RIC8B: variants seen among roughly 807,000 people sequenced by gnomAD.
RIC8B encodes chaperone Ric-8B.
Under a neutral mutation model 57.5 loss-of-function variants are expected in RIC8B, and 16 were observed. That is an observed-to-expected ratio of 0.28 (90% CI 0.19 to 0.42). The LOEUF (loss-of-function observed/expected upper bound fraction) is 0.42, where lower values mean the gene tolerates loss of function less well. Among genes scored for constraint, RIC8B ranks in the 10% least tolerant of loss-of-function variants. The probability of loss-of-function intolerance (pLI) is 1.00; values close to 1 mark genes in which losing one functional copy is unlikely to be tolerated. For missense variants in RIC8B, 481 were observed against 677.0 expected (o/e 0.71, Z 3.21); for synonymous variants, 216 against 250.8 (o/e 0.86, Z 1.31).
rs1244158068 is a variant in RIC8B at position 106,874,579 on chromosome 12, C to T, written c.1571+3637C>T. On this transcript the variant is annotated intron_variant, in intron 9 of 9. Coordinates refer to ENST00000392837, the MANE Select transcript of RIC8B (RefSeq NM_001330145.2). ...TGATGATGACTAAGGTTGGTCATGC[C>T]AAGTACTGTTACTGAGCCTGGTGTA... The T allele has an allele frequency of 2.6e-6, 4 of 1,542,054 alleles. No individual in the cohort carries two copies. In the Admixed American group the frequency reaches 5.9e-5, roughly 23 times the overall value.
intron 1 of RIC8B, 108 bp from the exon 2 acceptor site, chr12:106,783,889 G>T: frequency 1.1e-6 from 1 of 926,962 alleles, no homozygotes; most frequent in Non-Finnish European, 1.7e-6. Flanking sequence ...TGAGATACGG[G>T]AAGGCAACAT....
chr12:106,831,389 A>C (rs1444152581), intron 4 of RIC8B, among the ~76,000 whole-genome samples: 2 of 152,218 alleles, frequency 1.3e-5, no homozygotes, highest in Non-Finnish European at 1.5e-5. Context: ...ATGCAGTCTT[A>C]TGTAGAAAAT....
intron 4 of RIC8B, among the ~76,000 whole-genome samples, chr12:106,830,118 T>A (rs1819042916): frequency 6.6e-6 from 1 of 152,224 alleles, no homozygotes; most frequent in African/African-American, 2.4e-5. Context: ...GTGTGAGTTC[T>A]CCAGCTTTGT....
rs372260706 is a variant in RIC8B, at chr12:106,885,907, G to A, written c.1575G>A (p.Glu525=). Reference sequence around the variant, plus strand: ...TCTCTTTTATCTCTTTTTCTAGAGAGGAGTTGCTTAAACCAATGGGACTAA... The same window carrying A: ...TCTCTTTTATCTCTTTTTCTAGAGAAGAGTTGCTTAAACCAATGGGACTAA... The part of the protein sequence containing the change: ...LVNMLDKLSR[E]ELLKPMGLKP... The change falls in exon 10 of 10, where the codon GAG becomes GAA. Residue 525 remains glutamate (E), a synonymous_variant. Coordinates refer to ENST00000392837, the MANE Select transcript of RIC8B (RefSeq NM_001330145.2). The A allele has an allele frequency of 6.2e-7, 1 of 1,605,960 alleles. No individual in the cohort carries two copies. The highest frequency in any genetic ancestry group is 8.5e-7 in the Non-Finnish European group (1 of 1,173,030).
chr12:106,799,553 G>A (rs564346660), intron 2 of RIC8B, among the ~76,000 whole-genome samples: 8 of 152,116 alleles, frequency 5.3e-5, no homozygotes, highest in Non-Finnish European at 1.0e-4. Flanking sequence ...ATTAAGTCAC[G>A]TAAAAGATGC....
At chr12:106,782,703 A>G (rs2043820750) in intron 1 of RIC8B, among the ~76,000 whole-genome samples, 1 of 152,090 alleles carries the variant, frequency 6.6e-6, no homozygotes, top group Non-Finnish European at 1.5e-5. Context: ...CCCTCTGATC[A>G]TTTCTTACAT....
chr12:106,801,391 A>C (rs1400904351), intron 2 of RIC8B, among the ~76,000 whole-genome samples: 1 of 152,246 alleles, frequency 6.6e-6, no homozygotes, highest in Non-Finnish European at 1.5e-5. Flanking sequence ...AAACTTGTTT[A>C]ATAATTGTTT....
At chr12:106,821,812 C>G (rs991426198) in intron 3 of RIC8B, among the ~76,000 whole-genome samples, 5 of 151,890 alleles carry the variant, frequency 3.3e-5, no homozygotes, top group Non-Finnish European at 5.9e-5. Flanking sequence ...GGTGCGGTGG[C>G]TCACGCCTGT....
rs944760967 is a variant in RIC8B, at chr12:106,867,831, C to G, written c.1452-2992C>G. ...TTCTGTGGCTTTTGTTTACATTCTT[C>G]CGAATATCCAGGGGAAAAATGTCTT... is the stretch of plus-strand genomic sequence containing the variant. On this transcript the variant is annotated intron_variant, in intron 8 of 9. Transcript: ENST00000392837. This position sits in a 1 kb window ranked among gnomAD's most constrained non-coding sequence, Gnocchi z 4.3. 1.3e-5 allele frequency among the ~76,000 whole-genome samples: 2 copies of G among 152,054 alleles called. No individual in the cohort carries two copies. The highest frequency in any genetic ancestry group is 4.8e-5 in the African/African-American group (2 of 41,386).
chr12:106,842,926 TCTGA>T (rs1949022509), intron 5 of RIC8B, 109 bp downstream of exon 5: 1 of 651,748 alleles, frequency 1.5e-6, no homozygotes, highest in Non-Finnish European at 2.6e-6. Flanking sequence ...AAGCTTTTTT[TCTGA>T]CTGATGTGCT....
intron 9 of RIC8B, among the ~76,000 whole-genome samples, chr12:106,883,022 T>G (rs1951023240): frequency 6.6e-6 from 1 of 152,232 alleles, no homozygotes; most frequent in Non-Finnish European, 1.5e-5. Flanking sequence ...ATATTACTTC[T>G]GGGTTTAGAT....
chr12:106,783,006 G>C (rs1322350691), intron 1 of RIC8B, among the ~76,000 whole-genome samples: 2 of 152,190 alleles, frequency 1.3e-5, no homozygotes, highest in Non-Finnish European at 2.9e-5. Context: ...GAGGAATTCT[G>C]TGCTCTATTT....
intron 6 of RIC8B, among the ~76,000 whole-genome samples, chr12:106,849,673 A>G (rs1348567): frequency 0.031 from 4,667 of 152,206 alleles, 258 homozygotes; most frequent in African/African-American, 0.11. Context: ...GGATGACTTC[A>G]GGACACTTTA....
chr12:106,839,605 A>T (rs1203325432), intron 4 of RIC8B, among the ~76,000 whole-genome samples: 1 of 152,206 alleles, frequency 6.6e-6, no homozygotes, highest in Non-Finnish European at 1.5e-5. Flanking sequence ...AGGTCTGGAG[A>T]TCTCCTGTGT....
intron 4 of RIC8B, among the ~76,000 whole-genome samples, chr12:106,831,100 A>G (rs1282358983): frequency 6.6e-6 from 1 of 151,990 alleles, no homozygotes; most frequent in Non-Finnish European, 1.5e-5. Context: ...CTATTCTAAA[A>G]CATTTGTTCA....
At chr12:106,832,557 A>G (rs1052887688) in intron 4 of RIC8B, among the ~76,000 whole-genome samples, 8 of 141,078 alleles carry the variant, frequency 5.7e-5, no homozygotes, top group African/African-American at 2.2e-4. Context: ...ACAGAGCAAG[A>G]CTCTGTATGA....
intron 4 of RIC8B, among the ~76,000 whole-genome samples, chr12:106,835,718 G>T (rs1384726717): frequency 6.6e-6 from 1 of 152,228 alleles, no homozygotes; most frequent in Non-Finnish European, 1.5e-5. Flanking sequence ...AATGAATAAA[G>T]TGAGGTTTGA....
intron 4 of RIC8B, among the ~76,000 whole-genome samples, chr12:106,839,547 A>C (rs2046771851): frequency 6.6e-6 from 1 of 152,138 alleles, no homozygotes; most frequent in Admixed American, 6.5e-5. Flanking sequence ...AGAGGAGTAA[A>C]TGGGGAGGTG....
chr12:106,884,832 T>C (rs748588932), intron 9 of RIC8B, among the ~76,000 whole-genome samples: 1 of 152,160 alleles, frequency 6.6e-6, no homozygotes, highest in Admixed American at 6.5e-5. Flanking sequence ...AGGGAGCCCT[T>C]CTTTCTGTTG....
Sources: allele counts gnomAD v4.1 joint callset (sites outside exome capture counted in the v4.1 genomes callset), GRCh38; gene constraint gnomAD v4.1.1; non-coding constraint Gnocchi (gnomAD v3.1); transcripts MANE v1.5; gene names NCBI Gene and HGNC (gene_info 2026-07-23, HGNC 2026-07-21).